NCOA7: variants seen among roughly 807,000 people sequenced by gnomAD.
NCOA7 encodes the protein 140 kDa estrogen receptor-associated protein.
A neutral mutation model predicts 104.3 loss-of-function variants in NCOA7; 45 were observed. The observed-to-expected ratio is 0.43, with a 90% CI of 0.34 to 0.55. The LOEUF (loss-of-function observed/expected upper bound fraction) is 0.55, where lower values mean the gene tolerates loss of function less well. Among genes scored for constraint, NCOA7 ranks in the 20% least tolerant of loss-of-function variants. The pLI is 0.02. For missense variants in NCOA7, 1,041 were observed against 1,119.7 expected, an observed-to-expected ratio of 0.93 and a Z score of 1.00; for synonymous variants, 398 against 402.3, an observed-to-expected ratio of 0.99 and a Z score of 0.13.
chr6:125,918,465 C>T (rs918197596), intron 11 of NCOA7, among the ~76,000 whole-genome samples: 2 of 152,140 alleles, frequency 1.3e-5, no homozygotes, highest in African/African-American at 4.8e-5. Flanking sequence ...TTATAACCCC[C>T]AGTGTGAGCA....
At chr6:125,892,828 A>G (rs1784726431) in intron 10 of NCOA7, among the ~76,000 whole-genome samples, 2 of 151,990 alleles carry the variant, frequency 1.3e-5, no homozygotes, top group South Asian at 4.1e-4. Flanking sequence ...TCAACCAAAG[A>G]TTTTCTTGGA....
upstream of NCOA7, among the ~76,000 whole-genome samples, chr6:125,790,362 G>A (rs1271286496): frequency 1.3e-5 from 2 of 152,216 alleles, no homozygotes; most frequent in East Asian, 3.9e-4. Context: ...GAAGCGGCCC[G>A]GGGTGAGGTA....
chr6:125,878,604 G>T lies in NCOA7; in HGVS notation c.459+234G>T, dbSNP rs576165812. Among the ~76,000 whole-genome samples the T allele has an allele frequency of 5.7e-4, 86 of 152,032 alleles. 3 individuals are homozygous for T. The highest frequency in any genetic ancestry group is 4.0e-4 in the Non-Finnish European group (27 of 68,002). ...GGCTCACTGCAGCCTCAATCCCCTG[G>T]GCTCAAGCAATCCTCCCACCTCAGC... On this transcript the variant is annotated intron_variant, in intron 5 of 15. Coordinates refer to ENST00000392477, the MANE Select transcript of NCOA7 (RefSeq NM_181782.5).
At chr6:125,872,743 T>G (rs1783038740) in intron 3 of NCOA7, among the ~76,000 whole-genome samples, 1 of 152,262 alleles carries the variant, frequency 6.6e-6, no homozygotes, top group Non-Finnish European at 1.5e-5. Context: ...TTTTTACATT[T>G]GTTCTGTCAT....
chr6:125,841,268 C>T (rs1289908153), intron 2 of NCOA7, among the ~76,000 whole-genome samples: 1 of 152,072 alleles, frequency 6.6e-6, no homozygotes, highest in East Asian at 1.9e-4. Context: ...AGTACAGTAA[C>T]ATGCTGTACA....
chr6:125,901,838 G>A (rs2128671904), intron 10 of NCOA7, among the ~76,000 whole-genome samples: 1 of 152,218 alleles, frequency 6.6e-6, no homozygotes, highest in South Asian at 2.1e-4. Context: ...CAGTAGAAGT[G>A]GCTTTCAGTG....
intron 3 of NCOA7, among the ~76,000 whole-genome samples, chr6:125,872,190 T>C (rs1398984220): frequency 6.6e-6 from 1 of 152,148 alleles, no homozygotes; most frequent in African/African-American, 2.4e-5. Flanking sequence ...CAAAGGAAGG[T>C]AATTTAATTT....
At chr6:125,880,517 A>ATATTT (rs954239333) in intron 5 of NCOA7, among the ~76,000 whole-genome samples, 15 of 150,764 alleles carry the variant, frequency 9.9e-5, no homozygotes, top group South Asian at 6.3e-4. Flanking sequence ...TTATTTATTT[A>ATATTT]TATTTTATTT....
At chr6:125,792,611 G>A (rs1774958305) in intron 1 of NCOA7, among the ~76,000 whole-genome samples, 2 of 152,094 alleles carry the variant, frequency 1.3e-5, no homozygotes, top group African/African-American at 2.4e-5. Context: ...ATGTAGAAGT[G>A]TCTGTGATTC....
rs1348191731 is a variant in NCOA7 at position 125,928,794 on chromosome 6, A to G, written c.*23A>G. ...TGAAATTCAGACTGCCTTAAAATAT[A>G]ACATTAAAAAGACTGGGTTCGATCA... is the stretch of plus-strand genomic sequence containing the variant. On this transcript the variant is annotated 3_prime_UTR_variant, in exon 16 of 16. Transcript: ENST00000392477. The G allele has an allele frequency of 1.2e-6, 2 of 1,603,592 alleles. No individual in the cohort carries two copies. Among genetic ancestry groups the G allele is most frequent in the Admixed American group, 3.5e-5 (2 of 57,296 alleles).
In NCOA7 at chr6:125,928,876, C is replaced by A; in HGVS notation, c.*105C>A. ...CCAGCCCAGCCTGCCTCATCCCACCCCAATGCTTCCTTTCTGCCATCATCT... is the reference window on the plus strand; with the variant it reads ...CCAGCCCAGCCTGCCTCATCCCACCACAATGCTTCCTTTCTGCCATCATCT... On this transcript the variant is annotated 3_prime_UTR_variant, in exon 16 of 16. Coordinates refer to ENST00000392477, the MANE Select transcript of NCOA7 (RefSeq NM_181782.5). 1 of 1,224,482 alleles carries A rather than the reference C, an allele frequency of 8.2e-7. No homozygotes were observed. 75.9% of individuals were successfully genotyped at this position (1,224,482 alleles called of 1,614,324 possible).
rs79292755 is a variant in NCOA7, at chr6:125,928,534, C to T, written c.2694-102C>T. 4.2e-4 allele frequency: 559 copies of T among 1,332,146 alleles called. 3 individuals carry two copies. The African/African-American group carries it at 7.7e-3, about 18-fold the overall frequency. The allele number at this position is 1,332,146 out of a possible 1,614,324, so 82.5% of individuals were successfully genotyped here. On this transcript the variant is annotated intron_variant, in intron 15 of 15. Transcript: ENST00000392477. ...GTTTTATAAGCAGTTTAGAATTTTG[C>T]CTGTCAGTAGTATAAAGGAAAGAAG...
Position 125,818,088 on chromosome 6 carries a change from ACCTCCTCCTTCCT to A in NCOA7, c.50+2695_50+2707del, listed in dbSNP as rs1026655384. 7.3e-5 allele frequency among the ~76,000 whole-genome samples: 8 copies of A among 108,916 alleles called. 1 individual carries two copies. Among genetic ancestry groups the A allele is most frequent in the African/African-American group, 2.2e-4 (6 of 27,330 alleles). 71.5% of individuals were successfully genotyped at this position (108,916 alleles called of 152,430 possible). On this transcript the variant is annotated intron_variant, in intron 2 of 15. Transcript: ENST00000392477. ...CTTCTCCCCCTTCCTTCTTTCTCCC[ACCTCCTCCTTCCT>A]CCTCCTCCTTACTTTCTTCTTCTTT...
At chr6:125,873,552 C>A (rs1408385790) in intron 3 of NCOA7, among the ~76,000 whole-genome samples, 4 of 152,186 alleles carry the variant, frequency 2.6e-5, no homozygotes, top group Admixed American at 2.6e-4. Context: ...ACCTATCATG[C>A]TTTATTTACC....
rs181862007 is a variant in NCOA7 at position 125,832,461 on chromosome 6, A to G, written c.50+17057A>G. ...AACAAAACAAGCAGTAAATTATTTT[A>G]TTATTTGCCAGGCAAGAGGACACAC... On this transcript the variant is annotated intron_variant, in intron 2 of 15. Coordinates refer to ENST00000392477, the MANE Select transcript of NCOA7 (RefSeq NM_181782.5). Among the ~76,000 whole-genome samples the G allele has an allele frequency of 1.8e-3, 275 of 152,304 alleles. 3 individuals carry two copies. Among genetic ancestry groups the G allele is most frequent in the Admixed American group, 0.017 (263 of 15,288 alleles).
chr6:125,812,122 G>A (rs1369745051), intron 1 of NCOA7, among the ~76,000 whole-genome samples: 2 of 152,186 alleles, frequency 1.3e-5, no homozygotes, highest in South Asian at 2.1e-4. Context: ...ATATGTTGAA[G>A]TAAATGGCTG....
At chr6:125,845,832 C>T (rs1268347997) in intron 2 of NCOA7, among the ~76,000 whole-genome samples, 1 of 152,164 alleles carries the variant, frequency 6.6e-6, no homozygotes, top group East Asian at 1.9e-4. Flanking sequence ...CATACATCCA[C>T]CGAACCTGTA....
intron 3 of NCOA7, among the ~76,000 whole-genome samples, chr6:125,855,979 A>T (rs535207536): frequency 6.6e-6 from 1 of 152,352 alleles, no homozygotes; most frequent in South Asian, 2.1e-4. Context: ...ATAGTTTCTC[A>T]GAATAACCCG....
At chr6:125,898,085 G>A (rs186668053) in intron 10 of NCOA7, among the ~76,000 whole-genome samples, 6 of 152,278 alleles carry the variant, frequency 3.9e-5, no homozygotes, top group African/African-American at 1.4e-4. Context: ...GTTGATGACC[G>A]ATCATAGTCA....
Sources: gnomAD v4.1 joint callset for allele counts (sites outside exome capture counted in the v4.1 genomes callset) on GRCh38, gnomAD v4.1.1 for gene constraint, MANE v1.5 for transcripts, NCBI Gene and HGNC (gene_info 2026-07-23, HGNC 2026-07-21) for gene names.